HIPK2: variants seen among roughly 807,000 people sequenced by gnomAD.
HIPK2 encodes homeodomain interacting protein kinase 2.
HIPK2 carries 27 observed loss-of-function variants against 113.7 expected under a neutral mutation model. That is an observed-to-expected ratio of 0.24 (90% CI 0.17 to 0.33). The LOEUF (loss-of-function observed/expected upper bound fraction) is 0.33. Ranked by LOEUF, HIPK2 falls within the 10% of genes least tolerant of loss-of-function variation. HIPK2 has a pLI of 1.00. For synonymous variants in HIPK2, 631 were observed against 642.2 expected (o/e 0.98, Z 0.26); for missense variants, 1,257 against 1,588.0 (o/e 0.79, Z 3.54).
intron 1 of HIPK2, among the ~76,000 whole-genome samples, chr7:139,752,215 C>A (rs1176259569): frequency 1.3e-5 from 2 of 152,202 alleles, no homozygotes; most frequent in Non-Finnish European, 2.9e-5. Flanking sequence ...CTCAGCCCCC[C>A]ACCCCACAGG....
At chr7:139,682,065 T>C (rs902203217) in intron 2 of HIPK2, among the ~76,000 whole-genome samples, 2 of 152,200 alleles carry the variant, frequency 1.3e-5, no homozygotes, top group African/African-American at 4.8e-5. Context: ...AGAGGACTCA[T>C]GGTGAGATGC....
At chr7:139,648,329 T>C (rs955099352) in intron 2 of HIPK2, among the ~76,000 whole-genome samples, 3 of 152,184 alleles carry the variant, frequency 2.0e-5, no homozygotes, top group Non-Finnish European at 4.4e-5. Context: ...CCCTCTTCCC[T>C]CTTCTGGGTT....
intron 7 of HIPK2, 27 bp downstream of exon 7, chr7:139,620,373 CT>C: frequency 6.2e-7 from 1 of 1,613,338 alleles, no homozygotes; most frequent in African/African-American, 1.3e-5. Context: ...GCAGCCCCGC[CT>C]CTCCTTCCCT....
intron 2 of HIPK2, among the ~76,000 whole-genome samples, chr7:139,668,585 A>T (rs1218027896): frequency 6.6e-6 from 1 of 150,962 alleles, no homozygotes; most frequent in Non-Finnish European, 1.5e-5. Flanking sequence ...AAAAAAAAAA[A>T]GGTATGATTT....
intron 1 of HIPK2, among the ~76,000 whole-genome samples, chr7:139,724,350 T>A (rs1344617318): frequency 6.6e-6 from 1 of 152,186 alleles, no homozygotes; most frequent in East Asian, 1.9e-4. Flanking sequence ...AGTACACAGA[T>A]AATTTCAGGT....
At chr7:139,754,771 G>A (rs1324026877) in intron 1 of HIPK2, among the ~76,000 whole-genome samples, 2 of 152,168 alleles carry the variant, frequency 1.3e-5, no homozygotes, top group African/African-American at 4.8e-5. Context: ...CGTGGGCAGT[G>A]GGAGGGGAGC....
In HIPK2 at chr7:139,693,192, A is replaced by G. The variant is rs139520142; in HGVS notation, c.1103+22740T>C. ...CCTCCTTGAGCTTGTTTCCTCATCTACAGAATGGAAAAAATGCCTTGTGAA... is the reference window on the plus strand; with the variant it reads ...CCTCCTTGAGCTTGTTTCCTCATCTGCAGAATGGAAAAAATGCCTTGTGAA... On this transcript the variant is annotated intron_variant, in intron 2 of 14. Transcript: ENST00000406875. Among the ~76,000 whole-genome samples, 772 of 152,324 alleles carry G rather than the reference A, an allele frequency of 5.1e-3. 9 individuals are homozygous for G. The highest frequency in any genetic ancestry group is 0.018 in the African/African-American group (734 of 41,558).
intron 1 of HIPK2, among the ~76,000 whole-genome samples, chr7:139,775,600 C>G (rs981272333): frequency 6.6e-6 from 1 of 152,120 alleles, no homozygotes; most frequent in Non-Finnish European, 1.5e-5. Flanking sequence ...AAGAGGCCAC[C>G]GCGGAGGTCA....
At chr7:139,679,119 T>C (rs919916118) in intron 2 of HIPK2, among the ~76,000 whole-genome samples, 3 of 152,240 alleles carry the variant, frequency 2.0e-5, no homozygotes, top group African/African-American at 7.2e-5. Flanking sequence ...AGAGACGATT[T>C]GATTTCCTCT....
chr7:139,601,437 T>C (rs983480308), intron 10 of HIPK2, among the ~76,000 whole-genome samples: 1 of 152,210 alleles, frequency 6.6e-6, no homozygotes, highest in Non-Finnish European at 1.5e-5. Context: ...CTGGGAGCCA[T>C]ATGCTTCTGG....
intron 11 of HIPK2, among the ~76,000 whole-genome samples, chr7:139,598,424 T>C (rs1799298905): frequency 6.6e-6 from 1 of 152,228 alleles, no homozygotes; most frequent in South Asian, 2.1e-4. Context: ...GTACTTACTA[T>C]AAACCTATGT....
intron 2 of HIPK2, among the ~76,000 whole-genome samples, chr7:139,665,208 T>A (rs998440695): frequency 6.6e-6 from 1 of 152,128 alleles, no homozygotes; most frequent in Non-Finnish European, 1.5e-5. Context: ...AGGTTGATTT[T>A]TGAATTTTTT....
chr7:139,671,008 G>A (rs957775268), intron 2 of HIPK2, among the ~76,000 whole-genome samples: 15 of 151,876 alleles, frequency 9.9e-5, no homozygotes, highest in African/African-American at 2.2e-4. Context: ...TGATTTGCCC[G>A]CCTCAGCCTC....
chr7:139,626,514 C>T, intron 6 of HIPK2, 87 bp downstream of exon 6: 1 of 1,433,656 alleles, frequency 7.0e-7, no homozygotes, highest in Non-Finnish European at 9.5e-7. Context: ...TTACCAAGAC[C>T]TTATGGCCGC....
intron 1 of HIPK2, among the ~76,000 whole-genome samples, chr7:139,733,822 C>T (rs1795861846): frequency 6.6e-6 from 1 of 152,208 alleles, no homozygotes. Context: ...GTAGCATTCT[C>T]AGGCAAAAGC....
intron 9 of HIPK2, among the ~76,000 whole-genome samples, chr7:139,606,463 T>C (rs137977305): frequency 6.6e-6 from 1 of 152,324 alleles, no homozygotes; most frequent in Non-Finnish European, 1.5e-5. Flanking sequence ...AAAATACAGA[T>C]TCATAAGGGC....
At chr7:139,594,880 TTGAGTTGTTCCCA>T (rs555232937) in intron 12 of HIPK2, among the ~76,000 whole-genome samples, 247 of 152,294 alleles carry the variant, frequency 1.6e-3, no homozygotes, top group Non-Finnish European at 2.5e-3. Context: ...CCAGGTTTCT[TTGAGTTGTTCCCA>T]TGAAGGTCCT....
intron 1 of HIPK2, among the ~76,000 whole-genome samples, chr7:139,720,827 A>C (rs1417586462): frequency 6.6e-6 from 1 of 152,224 alleles, no homozygotes; most frequent in Non-Finnish European, 1.5e-5. Context: ...TACGCTGTTC[A>C]TACATAAAGA....
At chr7:139,609,827 C>G (rs1003479180) in intron 9 of HIPK2, among the ~76,000 whole-genome samples, 2 of 152,078 alleles carry the variant, frequency 1.3e-5, no homozygotes, top group Non-Finnish European at 2.9e-5. Flanking sequence ...ATTTTTTTCA[C>G]TTAATATATC....
Sources: gnomAD v4.1 joint callset for allele counts (sites outside exome capture counted in the v4.1 genomes callset) on GRCh38, gnomAD v4.1.1 for gene constraint, MANE v1.5 for transcripts, NCBI Gene and HGNC (gene_info 2026-07-23, HGNC 2026-07-21) for gene names.